PPEF1: variants seen among roughly 807,000 people sequenced by gnomAD.
PPEF1 encodes serine/threonine-protein phosphatase with EF-hands 1.
A neutral mutation model predicts 53.3 loss-of-function variants in PPEF1; 12 were observed. The ratio of observed to expected loss-of-function variants is 0.23; its 90% confidence interval spans 0.14 to 0.36. The LOEUF (loss-of-function observed/expected upper bound fraction) is 0.36, where lower values mean the gene tolerates loss of function less well. Among genes scored for constraint, PPEF1 ranks in the 10% least tolerant of loss-of-function variants. The pLI, the probability that PPEF1 is intolerant of heterozygous loss-of-function variation, is 1.00. For missense variants in PPEF1, 334 were observed against 490.4 expected, an observed-to-expected ratio of 0.68 and a Z score of 3.01; for synonymous variants, 165 against 176.7, an observed-to-expected ratio of 0.93 and a Z score of 0.52.
At chrX:18,705,333 A>G (rs1006338599), upstream of PPEF1, among the ~76,000 whole-genome samples, 29 of 112,019 alleles carry the variant, frequency 2.6e-4, no homozygotes, top group East Asian at 2.8e-4. Flanking sequence ...GGGATGCCAC[A>G]GGGCTCATCC....
At chrX:18,808,368 A>G (rs1360132670) in intron 12 of PPEF1, among the ~76,000 whole-genome samples, 1 of 111,249 alleles carries the variant, frequency 9.0e-6, no homozygotes, top group Non-Finnish European at 1.9e-5. Context: ...GTTAGTAAAG[A>G]TAGACCTAAC....
At chrX:18,705,767 T>C (rs968603784), upstream of PPEF1, among the ~76,000 whole-genome samples, 1 of 111,677 alleles carries the variant, frequency 9.0e-6, no homozygotes, top group African/African-American at 3.3e-5. Flanking sequence ...GGCTAATTCA[T>C]TCAATACATA....
chrX:18,695,015 T>G (rs1408909901), intron 4 of PPEF1, among the ~76,000 whole-genome samples: 1 of 112,168 alleles, frequency 8.9e-6, no homozygotes, highest in East Asian at 2.8e-4. Flanking sequence ...TCTTACAGTT[T>G]CTGTGGGGCA....
chrX:18,823,788 G>T, intron 13 of PPEF1, 135 bp from the exon 14 acceptor site: 1 of 635,177 alleles, frequency 1.6e-6, no homozygotes, highest in Non-Finnish European at 2.4e-6. Flanking sequence ...TTCTCCTTCA[G>T]GGCTGCAGGG....
upstream of PPEF1, among the ~76,000 whole-genome samples, chrX:18,675,370 C>T (rs1271060982): frequency 8.8e-6 from 1 of 113,796 alleles, no homozygotes. Flanking sequence ...GCCTCGGCCA[C>T]CCGGCCCACT....
At chrX:18,740,502 C>G (rs770275574) in intron 3 of PPEF1, among the ~76,000 whole-genome samples, 5 of 109,314 alleles carry the variant, frequency 4.6e-5, no homozygotes, top group African/African-American at 1.3e-4. Context: ...CTCTGCCTCC[C>G]GGATTCAGGT....
chrX:18,709,912 C>G (rs1246936379), intron 1 of PPEF1, among the ~76,000 whole-genome samples: 1 of 112,154 alleles, frequency 8.9e-6, no homozygotes, highest in African/African-American at 3.2e-5. Context: ...TTATGTTTAA[C>G]ATTTTGAGAA....
chrX:18,793,732 T>G (rs1415034437), intron 10 of PPEF1, among the ~76,000 whole-genome samples: 1 of 89,168 alleles, frequency 1.1e-5, no homozygotes, highest in Non-Finnish European at 2.1e-5. Flanking sequence ...ACTTTTTTCT[T>G]TGCATGTCCT....
chrX:18,795,274 C>A (rs1395845985), intron 10 of PPEF1, among the ~76,000 whole-genome samples: 1 of 112,330 alleles, frequency 8.9e-6, no homozygotes, highest in African/African-American at 3.2e-5. Context: ...CGTGCCACTG[C>A]ACTCCAGCCT....
intron 3 of PPEF1, among the ~76,000 whole-genome samples, chrX:18,742,879 C>G (rs2045213610): frequency 2.7e-5 from 3 of 110,638 alleles, no homozygotes; most frequent in Admixed American, 1.9e-4. Flanking sequence ...GGTTACCTCT[C>G]TTTTTCTCAC....
At chrX:18,695,358 A>G (rs1419774321) in intron 4 of PPEF1, among the ~76,000 whole-genome samples, 4 of 112,934 alleles carry the variant, frequency 3.5e-5, no homozygotes, top group Non-Finnish European at 5.6e-5. Context: ...TAACCTAGTC[A>G]TAGAAGTGAC....
chrX:18,802,878 T>C (rs1339407357), intron 10 of PPEF1, among the ~76,000 whole-genome samples: 1 of 112,444 alleles, frequency 8.9e-6, no homozygotes, highest in Non-Finnish European at 1.9e-5. Context: ...AAGGCCTGAT[T>C]CTTGGTTATT....
intron 3 of PPEF1, among the ~76,000 whole-genome samples, chrX:18,744,262 C>T (rs967040792): frequency 1.8e-5 from 2 of 111,993 alleles, no homozygotes; most frequent in African/African-American, 6.5e-5. Flanking sequence ...GATTAATGGT[C>T]TTAACTCTGG....
chrX:18,759,754 T>C (rs1198095828), intron 5 of PPEF1, among the ~76,000 whole-genome samples: 1 of 112,012 alleles, frequency 8.9e-6, no homozygotes, highest in Non-Finnish European at 1.9e-5. Context: ...GCTGGTGATA[T>C]AGAATTTCTA....
At chrX:18,687,617 A>G (rs958905204) in intron 3 of PPEF1, among the ~76,000 whole-genome samples, 4 of 111,473 alleles carry the variant, frequency 3.6e-5, no homozygotes, top group Non-Finnish European at 7.5e-5. Flanking sequence ...AATGGTAGCT[A>G]ATACTTGTTT....
chrX:18,802,107 C>T (rs1051819339), intron 10 of PPEF1, among the ~76,000 whole-genome samples: 4 of 111,159 alleles, frequency 3.6e-5, no homozygotes, highest in African/African-American at 6.5e-5. Flanking sequence ...GCTCTGTTGC[C>T]GAGGCCACAG....
intron 1 of PPEF1, among the ~76,000 whole-genome samples, chrX:18,726,355 T>C (rs1418771997): frequency 5.1e-5 from 5 of 97,372 alleles, no homozygotes; most frequent in Non-Finnish European, 1.0e-4. Context: ...CTGACTCAAA[T>C]AAATAAATAA....
In PPEF1 at chrX:18,789,161, A is replaced by G; in HGVS notation, c.953A>G (p.Asp318Gly). Residue 318 changes from aspartate (D) to glycine (G), a missense_variant, in exon 10 of 16, where the codon GAC (aspartate) becomes GGC (glycine). By Grantham distance (94) the Asp-to-Gly change is moderately conservative (BLOSUM62 -1). Transcript: ENST00000470157. ...VLIPPTETNR[D>G]HDTDSKHNKV... is the part of the protein sequence containing the mutation. The stretch of plus-strand genomic sequence containing the variant: ...ATACCACCAACGGAAACAAACAGAG[A>G]CCATGACACTGACTCGAAGCACAAT... 1 of 1,211,434 alleles carries G rather than the reference A, an allele frequency of 8.3e-7. No homozygotes were observed. The highest frequency in any genetic ancestry group is 2.2e-5 in the Admixed American group (1 of 46,076).
At chrX:18,821,800 AG>A (rs2047063125) in intron 13 of PPEF1, among the ~76,000 whole-genome samples, 16 of 37,263 alleles carry the variant, frequency 4.3e-4, no homozygotes, top group African/African-American at 2.4e-3. Context: ...AGAGAGAGAG[AG>A]AGAAAACAAA....
Sources: gnomAD v4.1 joint callset for allele counts (sites outside exome capture counted in the v4.1 genomes callset) on GRCh38, gnomAD v4.1.1 for gene constraint, MANE v1.5 for transcripts, NCBI Gene and HGNC (gene_info 2026-07-23, HGNC 2026-07-21) for gene names.